Variants in USP15 observed in about 807,000 individuals in gnomAD.
USP15 encodes ubiquitin carboxyl-terminal hydrolase 15.
USP15 carries 18 observed loss-of-function variants against 127.1 expected under a neutral mutation model. The observed-to-expected ratio is 0.14, with a 90% confidence interval of 0.10 to 0.21. The LOEUF is 0.21. Among genes scored for constraint, USP15 ranks in the 10% least tolerant of loss-of-function variants. USP15 has a pLI of 1.00. For missense variants in USP15, 805 were observed against 1,159.9 expected, an observed-to-expected ratio of 0.69 and a Z score of 4.44; for synonymous variants, 364 against 393.7, an observed-to-expected ratio of 0.92 and a Z score of 0.89.
chr12:62,336,011 C>G lies in USP15; in HGVS notation c.683+10078C>G, dbSNP rs1471640500. ...GTGCACAGCTCTAGGAGGCATCATT[C>G]ATATCATATGTAGTCTATGTGATAG... On this transcript the variant is annotated intron_variant, in intron 6 of 21. Coordinates refer to ENST00000280377, the MANE Select transcript of USP15 (RefSeq NM_001252078.2). 4 of 984,280 alleles carry G rather than the reference C, an allele frequency of 4.1e-6. No homozygotes were observed. The South Asian group carries it at 1.9e-4, about 46-fold the overall frequency. 61.0% of individuals were successfully genotyped at this position (984,280 alleles called of 1,614,324 possible).
At chr12:62,320,396 G>C (rs1312024859) in intron 4 of USP15, among the ~76,000 whole-genome samples, 3 of 152,140 alleles carry the variant, frequency 2.0e-5, no homozygotes, top group Non-Finnish European at 4.4e-5. Flanking sequence ...TCCTAGCCAT[G>C]CTTCTTGTAC....
intron 2 of USP15, among the ~76,000 whole-genome samples, chr12:62,301,219 T>C (rs777155604): frequency 6.6e-6 from 1 of 152,126 alleles, no homozygotes; most frequent in Non-Finnish European, 1.5e-5. Flanking sequence ...GAAGTAGAAC[T>C]CTCATACACT....
chr12:62,271,715 A>G (rs1371478587), intron 1 of USP15, among the ~76,000 whole-genome samples: 1 of 151,954 alleles, frequency 6.6e-6, no homozygotes, highest in African/African-American at 2.4e-5. Context: ...ACATATGGTT[A>G]CAAGATATCT....
intron 6 of USP15, among the ~76,000 whole-genome samples, chr12:62,332,357 ACCTTAGAAAAAGTTTTCCCC>A (rs1290129243): frequency 1.3e-5 from 2 of 152,024 alleles, no homozygotes; most frequent in African/African-American, 4.8e-5. Flanking sequence ...TTCTAATGAT[ACCTTAGAAAAAGTTTTCCCC>A]CCTAGTTTTA....
intron 6 of USP15, among the ~76,000 whole-genome samples, chr12:62,342,361 G>A (rs141360339): frequency 1.3e-5 from 2 of 152,114 alleles, no homozygotes; most frequent in Non-Finnish European, 2.9e-5. Flanking sequence ...AGAACATGCT[G>A]CTTTAGCTCA....
At chr12:62,272,867 CGTA>C (rs1411316759) in intron 1 of USP15, among the ~76,000 whole-genome samples, 1 of 151,956 alleles carries the variant, frequency 6.6e-6, no homozygotes, top group Non-Finnish European at 1.5e-5. Flanking sequence ...AAGTTTTTGA[CGTA>C]GTATTTCACA....
intron 2 of USP15, among the ~76,000 whole-genome samples, chr12:62,300,515 T>C (rs928870635): frequency 3.3e-5 from 5 of 152,154 alleles, no homozygotes; most frequent in African/African-American, 1.2e-4. Flanking sequence ...TCAATCCTTA[T>C]TTTAAAGCTG....
intron 8 of USP15, among the ~76,000 whole-genome samples, chr12:62,365,257 A>G (rs1440633511): frequency 6.6e-6 from 1 of 152,134 alleles, no homozygotes; most frequent in Non-Finnish European, 1.5e-5. Flanking sequence ...TAACTGGTAT[A>G]TGAGATGGTA....
At chr12:62,397,791 A>AG (rs1453163388) in intron 20 of USP15, among the ~76,000 whole-genome samples, 1 of 150,878 alleles carries the variant, frequency 6.6e-6, no homozygotes, top group African/African-American at 2.4e-5. Flanking sequence ...AGGGAGCCGG[A>AG]GGTTGCAGAG....
At chr12:62,394,191 T>C (rs1485524194) in intron 19 of USP15, among the ~76,000 whole-genome samples, 1 of 152,236 alleles carries the variant, frequency 6.6e-6, no homozygotes, top group South Asian at 2.1e-4. Context: ...TCCCCGTCAC[T>C]TAGTTATTCA....
At chr12:62,272,302 G>T (rs1397501444) in intron 1 of USP15, among the ~76,000 whole-genome samples, 1 of 151,792 alleles carries the variant, frequency 6.6e-6, no homozygotes, top group Non-Finnish European at 1.5e-5. Flanking sequence ...AGATTTTTGT[G>T]TATTTTTTTA....
In USP15 at chr12:62,314,884, T is replaced by C; in HGVS notation, c.443T>C (p.Val148Ala). The C allele has an allele frequency of 1.3e-6, 2 of 1,594,180 alleles. No individual in the cohort carries two copies. Among genetic ancestry groups the C allele is most frequent in the Non-Finnish European group, 1.7e-6 (2 of 1,170,436 alleles). The change falls in exon 4 of 22, where the codon GTA (valine) becomes GCA (alanine). Residue 148 changes from valine (V) to alanine (A), a missense_variant. Val to Ala is a moderately conservative substitution (Grantham distance 64). Transcript: ENST00000280377. Reference sequence around the variant, plus strand: ...GAAAATGGAAACATGAATAATGTTGTAACTCGAAGATTTAGCAAAGCTGAC... The same window carrying C: ...GAAAATGGAAACATGAATAATGTTGCAACTCGAAGATTTAGCAAAGCTGAC... ...LCENGNMNNVVTRRFSKADTI... is the reference protein window; with the variant it reads ...LCENGNMNNVATRRFSKADTI...
chr12:62,353,720 A>G (rs2066030900), intron 7 of USP15, among the ~76,000 whole-genome samples: 1 of 152,018 alleles, frequency 6.6e-6, no homozygotes. Context: ...TGTGTACCCA[A>G]AGTTAGATTC....
intron 8 of USP15, among the ~76,000 whole-genome samples, chr12:62,367,795 C>T (rs1006792815): frequency 2.6e-5 from 4 of 151,722 alleles, no homozygotes; most frequent in Non-Finnish European, 5.9e-5. Flanking sequence ...AAAGGTTTTT[C>T]GTGTCTCTGT....
At chr12:62,318,998 T>G (rs1012506758) in intron 4 of USP15, among the ~76,000 whole-genome samples, 1 of 152,210 alleles carries the variant, frequency 6.6e-6, no homozygotes. Context: ...TGACCTTGAA[T>G]TAGTCCATTC....
intron 3 of USP15, chr12:62,312,357 A>G (rs1042201826): frequency 2.6e-5 from 6 of 233,238 alleles, no homozygotes; most frequent in Admixed American, 2.6e-4. Flanking sequence ...AGGGTAGACT[A>G]TATTAGGTTT....
At chr12:62,304,726 C>T (rs553224974) in intron 3 of USP15, 88 of 450,976 alleles carry the variant, frequency 2.0e-4, no homozygotes, top group African/African-American at 1.2e-3. Context: ...GCAGAAAATA[C>T]GATGGAATCA....
chr12:62,325,770 TCA>T, intron 5 of USP15, 100 bp from the exon 6 acceptor site: 1 of 944,444 alleles, frequency 1.1e-6, no homozygotes, highest in Non-Finnish European at 1.5e-6. Context: ...CTTTAAATAA[TCA>T]CAGAGTTACT....
intron 4 of USP15, among the ~76,000 whole-genome samples, chr12:62,315,361 G>A (rs1215718465): frequency 6.6e-6 from 1 of 151,930 alleles, no homozygotes; most frequent in African/African-American, 2.4e-5. Context: ...TCAAATTAAT[G>A]AGTAGCGTAA....
Sources: allele counts gnomAD v4.1 joint callset (sites outside exome capture counted in the v4.1 genomes callset), GRCh38; gene constraint gnomAD v4.1.1; transcripts MANE v1.5; gene names NCBI Gene and HGNC (gene_info 2026-07-23, HGNC 2026-07-21).